RGS7BP: variants seen among roughly 807,000 people sequenced by gnomAD.
RGS7BP encodes the protein regulator of G protein signaling 7 binding protein.
Under a neutral mutation model 31.3 loss-of-function variants are expected in RGS7BP, and 9 were observed. That is an observed-to-expected ratio of 0.29 (90% CI 0.17 to 0.50). RGS7BP has a LOEUF of 0.50. RGS7BP is among the 20% of genes least tolerant of loss of function. RGS7BP has a pLI of 0.98. For missense variants in RGS7BP, 274 were observed against 322.0 expected, an observed-to-expected ratio of 0.85 and a Z score of 1.14; for synonymous variants, 115 against 120.1, an observed-to-expected ratio of 0.96 and a Z score of 0.28.
chr5:64,597,252 T>TG (rs1239221478), intron 4 of RGS7BP, among the ~76,000 whole-genome samples: 1 of 152,058 alleles, frequency 6.6e-6, no homozygotes, highest in African/African-American at 2.4e-5. Flanking sequence ...CCTCCTGAGA[T>TG]GGCTTCCTGC....
chr5:64,595,327 A>G (rs1743036090), intron 4 of RGS7BP, among the ~76,000 whole-genome samples: 1 of 152,124 alleles, frequency 6.6e-6, no homozygotes, highest in Non-Finnish European at 1.5e-5. Flanking sequence ...CTTAGCTGCC[A>G]TTTAGGGGCT....
intron 2 of RGS7BP, among the ~76,000 whole-genome samples, chr5:64,567,591 G>A (rs1209888860): frequency 1.3e-5 from 2 of 152,034 alleles, no homozygotes; most frequent in South Asian, 2.1e-4. Flanking sequence ...CAGACATCGG[G>A]ATCAATTGAA....
chr5:64,534,885 C>T (rs974972914), intron 2 of RGS7BP, among the ~76,000 whole-genome samples: 10 of 152,056 alleles, frequency 6.6e-5, no homozygotes, highest in Admixed American at 6.5e-5. Flanking sequence ...CAAAGGAGAG[C>T]TAGGGGCTGG....
At chr5:64,523,653 G>A (rs1749164344) in intron 2 of RGS7BP, among the ~76,000 whole-genome samples, 1 of 152,014 alleles carries the variant, frequency 6.6e-6, no homozygotes, top group African/African-American at 2.4e-5. Flanking sequence ...GTCAGTACCT[G>A]TCACATAATT....
At chr5:64,603,978 A>G (rs1388888358) in intron 5 of RGS7BP, among the ~76,000 whole-genome samples, 1 of 152,182 alleles carries the variant, frequency 6.6e-6, no homozygotes, top group Non-Finnish European at 1.5e-5. Flanking sequence ...AGGGCTTGCC[A>G]TTTGTCTAAG....
chr5:64,591,299 A>G (rs1580461144), intron 3 of RGS7BP, among the ~76,000 whole-genome samples: 1 of 152,170 alleles, frequency 6.6e-6, no homozygotes, highest in East Asian at 1.9e-4. Context: ...TTACCTATGT[A>G]ACAAACCTGC....
At chr5:64,546,265 T>C (rs1175599316) in intron 2 of RGS7BP, among the ~76,000 whole-genome samples, 1 of 151,412 alleles carries the variant, frequency 6.6e-6, no homozygotes, top group Non-Finnish European at 1.5e-5. Flanking sequence ...AGGGAGACTG[T>C]GTAATGTGAG....
chr5:64,603,485 A>G (rs890418454), intron 5 of RGS7BP, among the ~76,000 whole-genome samples: 13 of 152,200 alleles, frequency 8.5e-5, no homozygotes, highest in African/African-American at 3.1e-4. Flanking sequence ...CCCTACCAAC[A>G]GTGTGCACAG....
chr5:64,544,697 C>G (rs1202868714), intron 2 of RGS7BP, among the ~76,000 whole-genome samples: 1 of 151,568 alleles, frequency 6.6e-6, no homozygotes, highest in Non-Finnish European at 1.5e-5. Context: ...GAAAAAAAGA[C>G]CATATACTAG....
intron 3 of RGS7BP, among the ~76,000 whole-genome samples, chr5:64,580,140 C>A (rs990668849): frequency 6.6e-6 from 1 of 152,114 alleles, no homozygotes; most frequent in African/African-American, 2.4e-5. Flanking sequence ...GGTCCATAGA[C>A]CACAACCCAA....
intron 2 of RGS7BP, among the ~76,000 whole-genome samples, chr5:64,571,177 T>C (rs1436788338): frequency 6.6e-6 from 1 of 152,164 alleles, no homozygotes; most frequent in Non-Finnish European, 1.5e-5. Flanking sequence ...TCATACAGTA[T>C]TTATTCTTTT....
chr5:64,557,930 C>T (rs1251555096), intron 2 of RGS7BP, among the ~76,000 whole-genome samples: 2 of 152,102 alleles, frequency 1.3e-5, no homozygotes, highest in African/African-American at 4.8e-5. Flanking sequence ...TGAAGCAAAA[C>T]TTTTTAAACA....
intron 2 of RGS7BP, among the ~76,000 whole-genome samples, chr5:64,524,417 C>T (rs890074059): frequency 3.3e-5 from 5 of 152,144 alleles, no homozygotes; most frequent in South Asian, 2.1e-4. Flanking sequence ...TGGGTATTAC[C>T]GCGGAGTGAT....
rs148075709 is a variant in RGS7BP, at chr5:64,545,433, G to A, written c.333-30341G>A. Among the ~76,000 whole-genome samples the A allele has an allele frequency of 1.2e-3, 177 of 151,722 alleles. 1 individual carries two copies. The East Asian group carries it at 0.018, about 16-fold the overall frequency. On this transcript the variant is annotated intron_variant, in intron 2 of 5. Transcript: ENST00000334025. Reference sequence around the variant, plus strand: ...GTAATAATTAAAAAAAAAAAGAGTCGGCTTTTATCCTGAGGGCAATAGAGA... The same window carrying A: ...GTAATAATTAAAAAAAAAAAGAGTCAGCTTTTATCCTGAGGGCAATAGAGA...
chr5:64,535,404 A>C (rs1268323888), intron 2 of RGS7BP, among the ~76,000 whole-genome samples: 1 of 152,208 alleles, frequency 6.6e-6, no homozygotes. Flanking sequence ...AAGAAACTTG[A>C]AACATGAATG....
rs541932129 is a variant in RGS7BP, at chr5:64,513,602, G to A, written c.332+5725G>A. On this transcript the variant is annotated intron_variant, in intron 2 of 5. Transcript: ENST00000334025. The stretch of plus-strand genomic sequence containing the variant: ...GCTGAGCCAGCAGCAACGATGTATG[G>A]TGATAAGAGTATGGAAGAAGAGCTC... Among the ~76,000 whole-genome samples the A allele has an allele frequency of 4.6e-5, 7 of 152,342 alleles. 1 individual carries two copies. The highest frequency in any genetic ancestry group is 1.7e-4 in the African/African-American group (7 of 41,570).
chr5:64,591,660 T>C (rs1295255748), intron 3 of RGS7BP, among the ~76,000 whole-genome samples: 2 of 152,180 alleles, frequency 1.3e-5, no homozygotes, highest in Admixed American at 1.3e-4. Flanking sequence ...TATTGGCATA[T>C]TGTGGAAAAA....
chr5:64,568,617 G>A (rs142718362), intron 2 of RGS7BP, among the ~76,000 whole-genome samples: 207 of 151,930 alleles, frequency 1.4e-3, no homozygotes, highest in African/African-American at 4.7e-3. Flanking sequence ...TGCCTAGACC[G>A]CCCCTTCAGA....
chr5:64,584,568 C>T (rs7708672), intron 3 of RGS7BP, among the ~76,000 whole-genome samples: 115,586 of 152,088 alleles, frequency 0.76, 44,774 homozygotes, highest in Non-Finnish European at 0.83. Flanking sequence ...ATCCTTTGAA[C>T]GTATCTTCTA....
Sources: allele counts gnomAD v4.1 joint callset (sites outside exome capture counted in the v4.1 genomes callset), GRCh38; gene constraint gnomAD v4.1.1; transcripts MANE v1.5; gene names NCBI Gene and HGNC (gene_info 2026-07-23, HGNC 2026-07-21).